The following GMDS variants were observed in gnomAD, a reference collection of about 807,000 sequenced individuals.
GMDS encodes the protein GDP-mannose 4,6-dehydratase.
A neutral mutation model predicts 49.9 loss-of-function variants in GMDS; 20 were observed. That is an observed-to-expected ratio of 0.40 (90% CI 0.28 to 0.58). The LOEUF (loss-of-function observed/expected upper bound fraction) is 0.58. Ranked by LOEUF, GMDS falls within the 20% of genes least tolerant of loss-of-function variation. The pLI is 0.42. For synonymous variants in GMDS, 177 were observed against 178.6 expected (o/e 0.99, Z 0.07); for missense variants, 362 against 481.4 (o/e 0.75, Z 2.32).
chr6:2,060,755 C>A (rs1485590719), intron 4 of GMDS, among the ~76,000 whole-genome samples: 1 of 152,116 alleles, frequency 6.6e-6, no homozygotes, highest in East Asian at 1.9e-4. Context: ...GGGGGCCGGG[C>A]GCGGTGACTC....
chr6:1,753,956 AC>A (rs1767839124), intron 7 of GMDS, among the ~76,000 whole-genome samples: 1 of 152,214 alleles, frequency 6.6e-6, no homozygotes, highest in South Asian at 2.1e-4. Flanking sequence ...CAACACCATA[AC>A]ATCACAATTA....
At chr6:2,006,823 C>A (rs1416477545) in intron 4 of GMDS, among the ~76,000 whole-genome samples, 1 of 151,996 alleles carries the variant, frequency 6.6e-6, no homozygotes, top group African/African-American at 2.4e-5. Flanking sequence ...ACAAAATATA[C>A]GAAGTTTTGC....
At chr6:2,157,172 A>T (rs1275683950) in intron 1 of GMDS, among the ~76,000 whole-genome samples, 1 of 152,234 alleles carries the variant, frequency 6.6e-6, no homozygotes, top group African/African-American at 2.4e-5. Context: ...TTACTTGTGC[A>T]TCCAAATTAC....
intron 1 of GMDS, among the ~76,000 whole-genome samples, chr6:2,162,581 A>C (rs1777454601): frequency 1.3e-5 from 2 of 151,964 alleles, no homozygotes; most frequent in South Asian, 4.2e-4. Context: ...TCATACTTAA[A>C]ACAGTCTTAC....
chr6:2,103,910 A>C (rs1321344154), intron 4 of GMDS, among the ~76,000 whole-genome samples: 1 of 152,256 alleles, frequency 6.6e-6, no homozygotes, highest in Admixed American at 6.5e-5. Flanking sequence ...GTGCTTGTGC[A>C]CTTAACAGCA....
At chr6:2,104,949 G>A (rs182240827) in intron 4 of GMDS, among the ~76,000 whole-genome samples, 3 of 152,070 alleles carry the variant, frequency 2.0e-5, no homozygotes, top group African/African-American at 4.8e-5. Flanking sequence ...TTGGGAGGCT[G>A]AGGCGGGCAG....
chr6:2,046,055 A>G (rs1769993832), intron 4 of GMDS, among the ~76,000 whole-genome samples: 1 of 152,110 alleles, frequency 6.6e-6, no homozygotes, highest in African/African-American at 2.4e-5. Context: ...ACAAAAATGT[A>G]AAAACAAGCC....
chr6:1,794,660 T>G (rs1443519805), intron 7 of GMDS, among the ~76,000 whole-genome samples: 1 of 152,200 alleles, frequency 6.6e-6, no homozygotes, highest in Non-Finnish European at 1.5e-5. Flanking sequence ...ACTCTGGATA[T>G]TAACAATGGT....
chr6:1,717,059 G>C (rs1420203847), intron 9 of GMDS, among the ~76,000 whole-genome samples: 1 of 152,220 alleles, frequency 6.6e-6, no homozygotes, highest in African/African-American at 2.4e-5. Flanking sequence ...CCGGTTCCAA[G>C]TGATTAACTC....
At chr6:1,645,952 C>T (rs1007071942) in intron 9 of GMDS, among the ~76,000 whole-genome samples, 13 of 152,236 alleles carry the variant, frequency 8.5e-5, no homozygotes, top group Admixed American at 8.5e-4. Context: ...GCTGAGTGCA[C>T]TATATGGACC....
At chr6:2,198,781 T>A (rs1779383792) in intron 1 of GMDS, among the ~76,000 whole-genome samples, 1 of 152,212 alleles carries the variant, frequency 6.6e-6, no homozygotes, top group African/African-American at 2.4e-5. Flanking sequence ...AAATGCATGG[T>A]GTCTGGAATA....
At chr6:1,938,672 T>C (rs973575367) in intron 6 of GMDS, among the ~76,000 whole-genome samples, 3 of 152,094 alleles carry the variant, frequency 2.0e-5, no homozygotes, top group African/African-American at 7.2e-5. Flanking sequence ...GGGTCCATGG[T>C]GCTTCCTGCA....
chr6:2,000,168 T>C (rs2127380837), intron 4 of GMDS, among the ~76,000 whole-genome samples: 1 of 143,524 alleles, frequency 7.0e-6, no homozygotes, highest in African/African-American at 2.6e-5. Flanking sequence ...CCCAAGTAGC[T>C]GGGACTACAG....
intron 7 of GMDS, among the ~76,000 whole-genome samples, chr6:1,883,353 T>C (rs1025811900): frequency 3.3e-5 from 5 of 152,044 alleles, no homozygotes; most frequent in Admixed American, 6.5e-5. Flanking sequence ...ATCGTGCCAC[T>C]GCACTCCAGC....
chr6:2,241,726 C>T (rs965754), intron 1 of GMDS, among the ~76,000 whole-genome samples: 2,695 of 152,284 alleles, frequency 0.018, 93 homozygotes, highest in African/African-American at 0.062. Context: ...GAGTGGAAGC[C>T]TAAAGCTTTC....
intron 7 of GMDS, among the ~76,000 whole-genome samples, chr6:1,856,531 G>A (rs1757944271): frequency 6.6e-6 from 1 of 152,234 alleles, no homozygotes; most frequent in Non-Finnish European, 1.5e-5. Context: ...TTAATAGTCT[G>A]CAGCTGCAGT....
chr6:1,636,779 G>A (rs534997924), intron 9 of GMDS, among the ~76,000 whole-genome samples: 1 of 152,332 alleles, frequency 6.6e-6, no homozygotes, highest in Admixed American at 6.5e-5. Context: ...AGTGGGCCCC[G>A]GAAGGTCTGC....
At chr6:1,646,765 A>G (rs975611928) in intron 9 of GMDS, among the ~76,000 whole-genome samples, 1 of 152,090 alleles carries the variant, frequency 6.6e-6, no homozygotes, top group African/African-American at 2.4e-5. Flanking sequence ...ATTCAGGAAA[A>G]GTCAGATTAA....
chr6:1,704,312 C>T (rs892769628), intron 9 of GMDS, among the ~76,000 whole-genome samples: 1 of 151,672 alleles, frequency 6.6e-6, no homozygotes, highest in African/African-American at 2.4e-5. Flanking sequence ...GGGGGTAAGG[C>T]AGCCCTGCCT....
Sources: allele counts gnomAD v4.1 joint callset (sites outside exome capture counted in the v4.1 genomes callset), GRCh38; gene constraint gnomAD v4.1.1; transcripts MANE v1.5; gene names NCBI Gene and HGNC (gene_info 2026-07-23, HGNC 2026-07-21).